MARCHF1: variants seen among roughly 807,000 people sequenced by gnomAD.
MARCHF1 encodes the protein E3 ubiquitin-protein ligase MARCHF1.
A neutral mutation model predicts 54.2 loss-of-function variants in MARCHF1; 40 were observed. The observed-to-expected ratio is 0.74, with a 90% CI of 0.57 to 0.96. The LOEUF (loss-of-function observed/expected upper bound fraction) is 0.96, where lower values mean the gene tolerates loss of function less well. Ranked by LOEUF, MARCHF1 falls within the 40% of genes least tolerant of loss-of-function variation. The pLI, the probability that MARCHF1 is intolerant of heterozygous loss-of-function variation, is 0.00. For synonymous variants in MARCHF1, 236 were observed against 236.3 expected (o/e 1.00, Z 0.01); for missense variants, 586 against 656.5 (o/e 0.89, Z 1.17).
At chr4:164,119,297 T>C (rs1756012638) in intron 1 of MARCHF1, among the ~76,000 whole-genome samples, 1 of 151,086 alleles carries the variant, frequency 6.6e-6, no homozygotes, top group Non-Finnish European at 1.5e-5. Context: ...TTAAAATATC[T>C]CAAAAAATAA....
At chr4:163,807,152 A>G (rs1376760283) in intron 4 of MARCHF1, among the ~76,000 whole-genome samples, 1 of 152,212 alleles carries the variant, frequency 6.6e-6, no homozygotes, top group Admixed American at 6.5e-5. Context: ...TGCTTATAAA[A>G]TTGGTGAAGA....
intron 4 of MARCHF1, among the ~76,000 whole-genome samples, chr4:163,838,864 C>A (rs1303836935): frequency 6.6e-6 from 1 of 151,968 alleles, no homozygotes; most frequent in Non-Finnish European, 1.5e-5. Flanking sequence ...TTAGATACAA[C>A]ACTAACAGCA....
At chr4:164,113,011 A>G (rs1470790866) in intron 1 of MARCHF1, among the ~76,000 whole-genome samples, 1 of 128,666 alleles carries the variant, frequency 7.8e-6, no homozygotes, top group Non-Finnish European at 1.6e-5. Context: ...AATTTGACAA[A>G]TTAAAGAATG....
chr4:163,786,910 T>C (rs1367228248), intron 4 of MARCHF1, among the ~76,000 whole-genome samples: 2 of 151,916 alleles, frequency 1.3e-5, no homozygotes, highest in South Asian at 4.1e-4. Context: ...TGGAACAGAA[T>C]AGAAAGTTCA....
chr4:164,192,738 A>T (rs769836362), intron 1 of MARCHF1, among the ~76,000 whole-genome samples: 35 of 152,226 alleles, frequency 2.3e-4, no homozygotes, highest in Non-Finnish European at 4.9e-4. Context: ...AGTATGAAAC[A>T]TTTATAAAAT....
chr4:163,879,817 G>GTC (rs1205275023), intron 3 of MARCHF1, among the ~76,000 whole-genome samples: 10 of 151,648 alleles, frequency 6.6e-5, no homozygotes, highest in Admixed American at 6.6e-4. Context: ...GTGTGTGTGT[G>GTC]TGTGTGTGTG....
intron 4 of MARCHF1, among the ~76,000 whole-genome samples, chr4:163,823,849 C>A (rs1185883420): frequency 1.3e-5 from 2 of 148,768 alleles, no homozygotes; most frequent in Non-Finnish European, 3.0e-5. Flanking sequence ...AGTCAATGTG[C>A]TTTGAGACAA....
At chr4:163,951,608 T>C (rs934553662) in intron 3 of MARCHF1, among the ~76,000 whole-genome samples, 2 of 152,096 alleles carry the variant, frequency 1.3e-5, no homozygotes, top group Non-Finnish European at 2.9e-5. Context: ...GAAGGAGAAA[T>C]ATCAGAAAGG....
chr4:164,207,343 T>G (rs867315508), intron 1 of MARCHF1, among the ~76,000 whole-genome samples: 4 of 152,236 alleles, frequency 2.6e-5, no homozygotes, highest in Admixed American at 6.5e-5. Context: ...TTTATTCATT[T>G]ATTCATTTGA....
chr4:163,815,771 G>A (rs894620889), intron 4 of MARCHF1, among the ~76,000 whole-genome samples: 2 of 152,022 alleles, frequency 1.3e-5, no homozygotes, highest in Non-Finnish European at 2.9e-5. Context: ...CCAGAATATT[G>A]TAAGAGATAT....
chr4:163,898,453 C>T (rs920374924), intron 3 of MARCHF1, among the ~76,000 whole-genome samples: 19 of 152,004 alleles, frequency 1.2e-4, no homozygotes, highest in South Asian at 1.0e-3. Context: ...CAATATACAT[C>T]GGAGAAATGA....
chr4:163,637,216 C>T (rs1193013504), intron 5 of MARCHF1, among the ~76,000 whole-genome samples: 3 of 152,206 alleles, frequency 2.0e-5, no homozygotes, highest in South Asian at 2.1e-4. Context: ...ACACCAAAAG[C>T]AATGGCAACA....
At chr4:163,955,790 T>C (rs1427249397) in intron 3 of MARCHF1, among the ~76,000 whole-genome samples, 1 of 152,134 alleles carries the variant, frequency 6.6e-6, no homozygotes. Context: ...CCAAGTGCAG[T>C]GTATTGTGAC....
chr4:164,374,523 T>C (rs1309785802), intron 1 of MARCHF1, among the ~76,000 whole-genome samples: 1 of 152,092 alleles, frequency 6.6e-6, no homozygotes, highest in Admixed American at 6.5e-5. Context: ...TTTTTGAAAA[T>C]TGACAACTAT....
chr4:163,603,779 C>G (rs940043538), intron 7 of MARCHF1, among the ~76,000 whole-genome samples: 2 of 152,096 alleles, frequency 1.3e-5, no homozygotes, highest in Admixed American at 6.6e-5. Flanking sequence ...AAAGTCATAC[C>G]TATTTTCCCT....
intron 5 of MARCHF1, among the ~76,000 whole-genome samples, chr4:163,669,428 T>C (rs1472356143): frequency 6.6e-6 from 1 of 152,122 alleles, no homozygotes; most frequent in South Asian, 2.1e-4. Flanking sequence ...CACTACTTCC[T>C]GCTAACACTT....
chr4:164,375,818 A>T (rs1731174702), intron 1 of MARCHF1, among the ~76,000 whole-genome samples: 1 of 152,130 alleles, frequency 6.6e-6, no homozygotes, highest in Non-Finnish European at 1.5e-5. Context: ...CAACAGTAGG[A>T]CCTTGAGCAC....
intron 1 of MARCHF1, among the ~76,000 whole-genome samples, chr4:164,254,990 T>A (rs1339146561): frequency 6.6e-6 from 1 of 152,110 alleles, no homozygotes; most frequent in Non-Finnish European, 1.5e-5. Flanking sequence ...GGTTATCCAC[T>A]CACCTCAGTC....
chr4:164,105,446 T>C (rs1755670241), intron 2 of MARCHF1, among the ~76,000 whole-genome samples: 1 of 149,080 alleles, frequency 6.7e-6, no homozygotes, highest in Non-Finnish European at 1.5e-5. Flanking sequence ...AACAGAGCCC[T>C]CAGAAATAAC....
Sources: allele counts gnomAD v4.1 joint callset (sites outside exome capture counted in the v4.1 genomes callset), GRCh38; gene constraint gnomAD v4.1.1; transcripts MANE v1.5; gene names NCBI Gene and HGNC (gene_info 2026-07-23, HGNC 2026-07-21).